The following DNAI3 variants were observed in gnomAD, a reference collection of about 807,000 sequenced individuals.
DNAI3 encodes WD repeat domain 63.
In DNAI3, 83 loss-of-function variants were observed where a neutral mutation model predicts 115.5. The ratio of observed to expected loss-of-function variants is 0.72; its 90% CI spans 0.60 to 0.86. The LOEUF (loss-of-function observed/expected upper bound fraction) is 0.86. Among genes scored for constraint, DNAI3 ranks in the 40% least tolerant of loss-of-function variants. The pLI is 0.00. For synonymous variants in DNAI3, 320 were observed against 347.0 expected (o/e 0.92, Z 0.86); for missense variants, 1,004 against 1,075.8 (o/e 0.93, Z 0.93).
intron 15 of DNAI3, among the ~76,000 whole-genome samples, 162 bp from the exon 16 acceptor site, chr1:85,109,886 T>C (rs1349641433): frequency 2.0e-5 from 3 of 151,160 alleles, no homozygotes; most frequent in Admixed American, 6.6e-5. Context: ...GTGCTTTCCA[T>C]GGAGGAAAGA....
chr1:85,120,356 A>G (rs888000594), intron 17 of DNAI3, among the ~76,000 whole-genome samples: 11 of 152,358 alleles, frequency 7.2e-5, no homozygotes, highest in African/African-American at 2.2e-4. Flanking sequence ...GGGCCAGCCC[A>G]GAAATGAAAA....
chr1:85,110,510 T>C (rs1655627594), intron 16 of DNAI3, among the ~76,000 whole-genome samples: 1 of 147,316 alleles, frequency 6.8e-6, no homozygotes, highest in South Asian at 2.2e-4. Context: ...TGTTAGTAGC[T>C]GATTATGACT....
chr1:85,069,732 T>G (rs1654210582), intron 1 of DNAI3, among the ~76,000 whole-genome samples: 1 of 151,086 alleles, frequency 6.6e-6, no homozygotes, highest in Non-Finnish European at 1.5e-5. Context: ...AAAAAGAAAG[T>G]TTTTCAAGTA....
intron 11 of DNAI3, among the ~76,000 whole-genome samples, chr1:85,096,323 A>G (rs1655123585): frequency 6.6e-6 from 1 of 152,080 alleles, no homozygotes; most frequent in African/African-American, 2.4e-5. Context: ...AGCTACAAGC[A>G]TTACTACCTC....
At chr1:85,095,425 T>A (rs1185978826) in intron 10 of DNAI3, among the ~76,000 whole-genome samples, 1 of 152,160 alleles carries the variant, frequency 6.6e-6, no homozygotes, top group Non-Finnish European at 1.5e-5. Context: ...GAGATCAAAT[T>A]GAAAGATCTC....
At chr1:85,074,349 C>T (rs1177555690) in intron 3 of DNAI3, among the ~76,000 whole-genome samples, 1 of 152,186 alleles carries the variant, frequency 6.6e-6, no homozygotes, top group Non-Finnish European at 1.5e-5. Context: ...TGCCATTGGG[C>T]ACAACTTGCA....
chr1:85,081,186 T>C (rs1203756886), intron 3 of DNAI3, 48 bp from the exon 4 acceptor site: 1 of 1,457,930 alleles, frequency 6.9e-7, no homozygotes, highest in Admixed American at 2.7e-5. Flanking sequence ...AATGCTAATA[T>C]TTTAAGTGGT....
intron 3 of DNAI3, among the ~76,000 whole-genome samples, chr1:85,075,420 G>A (rs1654419179): frequency 6.6e-6 from 1 of 152,106 alleles, no homozygotes; most frequent in Admixed American, 6.5e-5. Context: ...TTGCTTAAGG[G>A]AAAGAAAAAA....
At position 85,117,845 on chromosome 1, in the gene DNAI3, T is replaced by C; in HGVS notation, c.1903T>C (p.Phe635Leu). ...AATAGATGACTTCTGCACAAAGTTC[T>C]TTGTGGGAACAGAGGTAAATTGGGA... ...KPIDDFCTKFFVGTEEGEVIY... is the reference protein window; with the variant it reads ...KPIDDFCTKFLVGTEEGEVIY... Residue 635 changes from phenylalanine to leucine, a missense_variant, in exon 17 of 23, where the codon TTT (phenylalanine) becomes CTT (leucine). This residue lies in a region of DNAI3 where 429 missense variants were observed against 454.3 expected (regional missense o/e 0.94). Coordinates refer to ENST00000294664, the MANE Select transcript of DNAI3 (RefSeq NM_145172.5). 1.2e-6 allele frequency: 2 copies of C among 1,613,022 alleles called. No homozygotes were observed. The highest frequency in any genetic ancestry group is 1.7e-4 in the Middle Eastern group (1 of 6,058).
chr1:85,085,879 A>C lies in DNAI3; in HGVS notation c.589A>C (p.Lys197Gln). 1 of 1,614,174 alleles carries C rather than the reference A, an allele frequency of 6.2e-7. No homozygotes were observed. Residue 197 changes from lysine (K) to glutamine (Q), a missense_variant, in exon 7 of 23, where the codon AAG becomes CAG. Around this residue, in one of 3 missense-constraint regions of DNAI3, gnomAD observed 550 missense variants for 568.1 expected, o/e 0.97. Transcript: ENST00000294664. ...ACGAAGTGAATTTGGTGCACCAATTAAGTTCAGTGACCAGAATGCTTCCAG... is the reference window on the plus strand; with the variant it reads ...ACGAAGTGAATTTGGTGCACCAATTCAGTTCAGTGACCAGAATGCTTCCAG... The part of the protein sequence containing the change: ...RKRSEFGAPI[K>Q]FSDQNASSVK...
rs1017854499 is a variant in DNAI3, at chr1:85,082,413, A to C, written c.390+9A>C. The C allele has an allele frequency of 1.3e-6, 2 of 1,596,002 alleles. No individual in the cohort carries two copies. Among genetic ancestry groups the C allele is most frequent in the Admixed American group, 3.4e-5 (2 of 59,590 alleles). On this transcript the variant is annotated intron_variant, in intron 5 of 22. Transcript: ENST00000294664. ...AAGAAAACTATTTAAATGTGAGCAAACCCCAAGCCCTTGTAATTTGTTTGT... is the reference window on the plus strand; with the variant it reads ...AAGAAAACTATTTAAATGTGAGCAACCCCCAAGCCCTTGTAATTTGTTTGT...
At chr1:85,130,947 G>A (rs1015003956) in intron 22 of DNAI3, among the ~76,000 whole-genome samples, 11 of 152,130 alleles carry the variant, frequency 7.2e-5, no homozygotes, top group Admixed American at 6.5e-4. Flanking sequence ...GGAATTTTGG[G>A]CTTCTAAATA....
At chr1:85,065,881 G>A (rs1654082930) in intron 1 of DNAI3, among the ~76,000 whole-genome samples, 1 of 152,220 alleles carries the variant, frequency 6.6e-6, no homozygotes, top group Non-Finnish European at 1.5e-5. Flanking sequence ...CATCATAAAA[G>A]GATATAGTCA....
intron 13 of DNAI3, 119 bp downstream of exon 13, chr1:85,098,777 C>A: frequency 6.9e-6 from 10 of 1,441,134 alleles, no homozygotes; most frequent in Admixed American, 4.2e-5. Context: ...TAACCAGGAA[C>A]TAAGCATCAA....
chr1:85,094,698 T>A, intron 10 of DNAI3, 143 bp downstream of exon 10: 1 of 1,015,014 alleles, frequency 9.9e-7, no homozygotes, highest in Non-Finnish European at 1.4e-6. Context: ...AATGCAGAAC[T>A]TGTCATCATT....
At chr1:85,128,904 A>G in intron 21 of DNAI3, 105 bp downstream of exon 21, 1 of 932,192 alleles carries the variant, frequency 1.1e-6, no homozygotes, top group Non-Finnish European at 1.7e-6. Context: ...CTGTAAGGGA[A>G]CAAAAGACTC....
chr1:85,132,720 C>A, intron 22 of DNAI3, 135 bp from the exon 23 acceptor site: 1 of 1,087,382 alleles, frequency 9.2e-7, no homozygotes, highest in South Asian at 1.7e-5. Flanking sequence ...TGCCCTCCTG[C>A]CTTCCTGCCC....
intron 3 of DNAI3, 72 bp from the exon 4 acceptor site, chr1:85,081,162 A>G: frequency 7.9e-7 from 1 of 1,262,528 alleles, no homozygotes. Context: ...AAACCAAGCG[A>G]TTGCATGTTT....
chr1:85,107,082 A>T (rs1302023168), intron 14 of DNAI3, among the ~76,000 whole-genome samples: 1 of 152,218 alleles, frequency 6.6e-6, no homozygotes, highest in Non-Finnish European at 1.5e-5. Flanking sequence ...AAAAAGCAAC[A>T]AGTGTTGGTG....
Sources: allele counts gnomAD v4.1 joint callset (sites outside exome capture counted in the v4.1 genomes callset), GRCh38; gene constraint gnomAD v4.1.1; regional missense constraint gnomAD v4.1.1; transcripts MANE v1.5; gene names NCBI Gene and HGNC (gene_info 2026-07-23, HGNC 2026-07-21).